GLI2: variants seen among roughly 807,000 people sequenced by gnomAD.
The protein encoded by GLI2 is transcription activator GLI2.
A neutral mutation model predicts 78.9 loss-of-function variants in GLI2; 22 were observed. The observed-to-expected ratio is 0.28, with a 90% confidence interval of 0.20 to 0.40. GLI2 has a LOEUF of 0.40. Among genes scored for constraint, GLI2 ranks in the 10% least tolerant of loss-of-function variants. The probability of loss-of-function intolerance (pLI) is 1.00; values close to 1 mark genes in which losing one functional copy is unlikely to be tolerated. For synonymous variants in GLI2, 974 were observed against 963.7 expected (o/e 1.01, Z -0.20); for missense variants, 2,097 against 2,213.2 (o/e 0.95, Z 1.05).
intron 1 of GLI2, among the ~76,000 whole-genome samples, chr2:120,761,444 G>T (rs527265110): frequency 2.0e-5 from 3 of 152,318 alleles, no homozygotes; most frequent in African/African-American, 7.2e-5. Flanking sequence ...GCCCAGCCCA[G>T]GGGGTGGCTG....
At chr2:120,951,691 G>C (rs902542191) in intron 4 of GLI2, 1 of 481,106 alleles carries the variant, frequency 2.1e-6, no homozygotes, top group South Asian at 4.1e-5. Context: ...TAACAGTAAG[G>C]GTCTATCCAG....
At chr2:120,972,250 G>A (rs1420297385) in intron 8 of GLI2, among the ~76,000 whole-genome samples, 187 bp downstream of exon 8, 2 of 152,224 alleles carry the variant, frequency 1.3e-5, no homozygotes, top group Non-Finnish European at 2.9e-5. Context: ...CCAGCACCCT[G>A]GACATACTAC....
At chr2:120,869,385 C>T (rs1347328774) in intron 2 of GLI2, among the ~76,000 whole-genome samples, 3 of 152,196 alleles carry the variant, frequency 2.0e-5, no homozygotes, top group Admixed American at 6.5e-5. Context: ...ACCTTCCAAA[C>T]AATTTAGTTT....
intron 1 of GLI2, among the ~76,000 whole-genome samples, chr2:120,791,037 CTG>C (rs1684139226): frequency 6.6e-6 from 1 of 152,156 alleles, no homozygotes; most frequent in Non-Finnish European, 1.5e-5. Flanking sequence ...GGGGAGCAAA[CTG>C]AGGCTCCGAG....
At chr2:120,905,833 G>A (rs13432285) in intron 2 of GLI2, among the ~76,000 whole-genome samples, 8,017 of 151,978 alleles carry the variant, frequency 0.053, 636 homozygotes, top group African/African-American at 0.17. Context: ...GTTGCCCTGA[G>A]GTTACCAGGG....
rs192698071 is a variant in GLI2, at chr2:120,889,775, G to A, written c.149-37586G>A. The stretch of plus-strand genomic sequence containing the variant: ...AGGAAAATGCTAATTACAACTGAGC[G>A]AGGTATTATACACACATCAGAATGG... On this transcript the variant is annotated intron_variant, in intron 2 of 13. Coordinates refer to ENST00000361492, the MANE Select transcript of GLI2 (RefSeq NM_001374353.1). Among the ~76,000 whole-genome samples, 236 of 152,286 alleles carry A rather than the reference G, an allele frequency of 1.5e-3. 2 individuals carry two copies. Among genetic ancestry groups the A allele is most frequent in the Middle Eastern group, 0.01 (3 of 294 alleles).
chr2:120,751,575 A>G (rs1206108931), intron 1 of GLI2, among the ~76,000 whole-genome samples: 1 of 152,232 alleles, frequency 6.6e-6, no homozygotes, highest in South Asian at 2.1e-4. Flanking sequence ...AAATAAAAGC[A>G]GATCCTTTAT....
chr2:120,933,840 A>AGCCCTGCCCT lies in GLI2; in HGVS notation c.254+6416_254+6425dup, dbSNP rs56996797. Among the ~76,000 whole-genome samples, 248 of 137,894 alleles carry AGCCCTGCCCT rather than the reference A, an allele frequency of 1.8e-3. 2 individuals carry two copies. The highest frequency in any genetic ancestry group is 4.3e-3 in the South Asian group (17 of 3,998). The allele number at this position is 137,894 out of a possible 152,430, so 90.5% of individuals were successfully genotyped here. ...CTATGTTGCTTTTGAGGACCTTTCC[A>AGCCCTGCCCT]GCCCTGCCCTGCCCTGCCCTGCCCT... On this transcript the variant is annotated intron_variant, in intron 3 of 13. Transcript: ENST00000361492.
chr2:120,807,522 G>A (rs1357396024), intron 2 of GLI2, among the ~76,000 whole-genome samples: 1 of 152,178 alleles, frequency 6.6e-6, no homozygotes, highest in Non-Finnish European at 1.5e-5. Context: ...AGCAAATGAA[G>A]GAGCTGAGTC....
intron 2 of GLI2, among the ~76,000 whole-genome samples, chr2:120,806,468 G>A (rs973432633): frequency 6.6e-6 from 1 of 152,124 alleles, no homozygotes; most frequent in African/African-American, 2.4e-5. Flanking sequence ...TCTGAGCCTG[G>A]GGACATTCGG....
chr2:120,826,045 C>T (rs553762844), intron 2 of GLI2, among the ~76,000 whole-genome samples: 2 of 152,218 alleles, frequency 1.3e-5, no homozygotes, highest in South Asian at 2.1e-4. Context: ...TGGTGACGGC[C>T]GCCTTTGTTA....
At chr2:120,772,347 G>A (rs548053114) in intron 1 of GLI2, among the ~76,000 whole-genome samples, 11 of 152,190 alleles carry the variant, frequency 7.2e-5, no homozygotes, top group African/African-American at 2.6e-4. Context: ...ACCCTGTTCT[G>A]CAAGTCACTA....
At chr2:120,837,254 T>C (rs6541741) in intron 2 of GLI2, among the ~76,000 whole-genome samples, 131,433 of 151,910 alleles carry the variant, frequency 0.87, 57,414 homozygotes, top group East Asian at 1. Flanking sequence ...ACTAGCCGGG[T>C]GTGGTGGCGG....
At chr2:120,937,801 C>T (rs372178823) in intron 3 of GLI2, among the ~76,000 whole-genome samples, 18 of 152,210 alleles carry the variant, frequency 1.2e-4, no homozygotes, top group African/African-American at 2.9e-4. Flanking sequence ...TTTTGACAGG[C>T]ATCCAGGAAA....
At chr2:120,749,580 T>C (rs1682803704) in intron 1 of GLI2, among the ~76,000 whole-genome samples, 2 of 152,194 alleles carry the variant, frequency 1.3e-5, no homozygotes, top group Admixed American at 6.5e-5. Flanking sequence ...CGGCAGGCCA[T>C]TGTGCCTCTC....
At chr2:120,964,256 C>T (rs1044972695) in intron 5 of GLI2, among the ~76,000 whole-genome samples, 3 of 152,158 alleles carry the variant, frequency 2.0e-5, no homozygotes, top group Non-Finnish European at 2.9e-5. Context: ...ACGTGCAAGT[C>T]CCTGAGCAGG....
chr2:120,946,719 C>T lies in GLI2; in HGVS notation c.255-4524C>T, dbSNP rs140411814. Among the ~76,000 whole-genome samples, 722 of 152,282 alleles carry T rather than the reference C, an allele frequency of 4.7e-3. 3 individuals are homozygous for T. The highest frequency in any genetic ancestry group is 7.2e-3 in the Non-Finnish European group (490 of 68,022). On this transcript the variant is annotated intron_variant, in intron 3 of 13. Coordinates refer to ENST00000361492, the MANE Select transcript of GLI2 (RefSeq NM_001374353.1). ...CATGGCTCAATCGTCTGCTCACTGG[C>T]GCTGGCAACACTGAGGTATCATGAG... is the stretch of plus-strand genomic sequence containing the variant.
At chr2:120,795,744 C>T (rs953907191) in intron 1 of GLI2, among the ~76,000 whole-genome samples, 1 of 152,022 alleles carries the variant, frequency 6.6e-6, no homozygotes, top group Non-Finnish European at 1.5e-5. Flanking sequence ...ATCTTCCCCA[C>T]CACCTTCTTT....
At chr2:120,804,654 C>T (rs1031675041) in intron 2 of GLI2, among the ~76,000 whole-genome samples, 1 of 152,262 alleles carries the variant, frequency 6.6e-6, no homozygotes, top group Non-Finnish European at 1.5e-5. Flanking sequence ...GCTGTTGATG[C>T]TGCTGGGCTT....
Sources: gnomAD v4.1 joint callset for allele counts (sites outside exome capture counted in the v4.1 genomes callset) on GRCh38, gnomAD v4.1.1 for gene constraint, MANE v1.5 for transcripts, NCBI Gene and HGNC (gene_info 2026-07-23, HGNC 2026-07-21) for gene names.